ZFHX3: variants seen among roughly 807,000 people sequenced by gnomAD.
The protein encoded by ZFHX3 is zinc finger homeobox protein 3.
Under a neutral mutation model 279.1 loss-of-function variants are expected in ZFHX3, and 42 were observed. The observed-to-expected ratio is 0.15, with a 90% CI of 0.12 to 0.19. The LOEUF is 0.19. Ranked by LOEUF, ZFHX3 falls within the 10% of genes least tolerant of loss-of-function variation. The pLI is 1.00. For missense variants in ZFHX3, 4,981 were observed against 4,754.0 expected, an observed-to-expected ratio of 1.05 and a Z score of -1.40; for synonymous variants, 2,293 against 1,957.8, an observed-to-expected ratio of 1.17 and a Z score of -4.52.
In ZFHX3 at chr16:73,153,719, G is replaced by T. The variant is rs1050693665; in HGVS notation, c.-1103-9888C>A. 5.3e-5 allele frequency among the ~76,000 whole-genome samples: 8 copies of T among 151,926 alleles called. No homozygotes were observed. In the South Asian group the frequency reaches 6.3e-4, roughly 12 times the overall value. On this transcript the variant is annotated intron_variant, in intron 5 of 17. Coordinates refer to the ZFHX3 transcript ENST00000641206. ...GGCTGGAGTGCAGTGGCGTGATCTC[G>T]GTTCACTGCAACCTCCACCTCCCGG...
chr16:72,904,304 C>T (rs544811246), intron 3 of ZFHX3, among the ~76,000 whole-genome samples: 40 of 151,396 alleles, frequency 2.6e-4, no homozygotes, highest in African/African-American at 9.5e-4. Flanking sequence ...AGGTGGAGGT[C>T]GCAGTGAGCC....
At chr16:73,697,248 TC>T (rs1401894698) in intron 1 of ZFHX3, among the ~76,000 whole-genome samples, 1 of 151,090 alleles carries the variant, frequency 6.6e-6, no homozygotes, top group African/African-American at 2.4e-5. Flanking sequence ...TAGTAAACAA[TC>T]TGGAAAGTAG....
chr16:73,566,199 G>A (rs1326737422), intron 2 of ZFHX3, among the ~76,000 whole-genome samples: 4 of 152,340 alleles, frequency 2.6e-5, no homozygotes, highest in Admixed American at 6.5e-5. Context: ...TCATAGCCAT[G>A]TGTCATATAA....
intron 4 of ZFHX3, among the ~76,000 whole-genome samples, chr16:72,872,931 G>A (rs1053155643): frequency 3.3e-5 from 5 of 152,142 alleles, no homozygotes; most frequent in Non-Finnish European, 5.9e-5. Flanking sequence ...CTGCTCATTG[G>A]CTCCCGACCA....
chr16:73,192,083 GGGATCT>G (rs1434816555), intron 5 of ZFHX3, among the ~76,000 whole-genome samples: 2 of 152,098 alleles, frequency 1.3e-5, no homozygotes, highest in South Asian at 4.1e-4. Context: ...TTATTCCGAG[GGGATCT>G]GGGGACAGAG....
At position 72,787,187 on chromosome 16, in the gene ZFHX3, C is replaced by T. The variant is rs1322792698; in HGVS notation, c.11089G>A (p.Gly3697Arg). The T allele has an allele frequency of 3.1e-6, 5 of 1,607,652 alleles. No homozygotes were observed. The highest frequency in any genetic ancestry group is 4.3e-6 in the Non-Finnish European group (5 of 1,175,900). The change falls in exon 10 of 10, where the codon GGA (glycine) becomes AGA (arginine). Residue 3697 changes from glycine to arginine, a missense_variant. Gly to Arg is a moderately radical substitution (Grantham distance 125, BLOSUM62 -2). Coordinates refer to ENST00000268489, the MANE Select transcript of ZFHX3 (RefSeq NM_006885.4). Reference sequence around the variant, plus strand: ...GCTTACAATCTGAAGGTGTCCGTTCCTACACTGGTCAGACCACTGTCCTTG... The same window carrying T: ...GCTTACAATCTGAAGGTGTCCGTTCTTACACTGGTCAGACCACTGTCCTTG... ...CPKDSGLTSVGTDTFRL is the reference protein window; with the variant it reads ...CPKDSGLTSVRTDTFRL
At position 73,843,435 on chromosome 16, in the gene ZFHX3, T is replaced by C. The variant is rs1370782817; in HGVS notation, c.-1608+48216A>G. The stretch of plus-strand genomic sequence containing the variant: ...CACAAAGAAACAAAGCCTTTGCCAC[T>C]GAGGAAACGGATTGTGTCCTGTGAA... On this transcript the variant is annotated intron_variant, in intron 1 of 17. Coordinates refer to the ZFHX3 transcript ENST00000641206. 3.9e-5 allele frequency among the ~76,000 whole-genome samples: 6 copies of C among 152,330 alleles called. No individual in the cohort carries two copies. The East Asian group carries it at 7.7e-4, about 20-fold the overall frequency.
intron 4 of ZFHX3, among the ~76,000 whole-genome samples, chr16:73,273,951 T>C (rs1378222960): frequency 5.3e-5 from 8 of 152,210 alleles, no homozygotes; most frequent in Admixed American, 3.3e-4. Context: ...GAGACCAGCC[T>C]GGCCAACATG....
At chr16:73,125,882 G>A (rs148261228) in intron 7 of ZFHX3, among the ~76,000 whole-genome samples, 255 of 151,848 alleles carry the variant, frequency 1.7e-3, no homozygotes, top group African/African-American at 5.8e-3. Flanking sequence ...CCCTAATACC[G>A]TACCATTATT....
At chr16:73,002,246 T>C (rs1223882150) in intron 1 of ZFHX3, among the ~76,000 whole-genome samples, 1 of 152,192 alleles carries the variant, frequency 6.6e-6, no homozygotes, top group African/African-American at 2.4e-5. Flanking sequence ...AACAAGCTTC[T>C]ACTTCTCTGG....
intron 4 of ZFHX3, among the ~76,000 whole-genome samples, chr16:72,877,103 G>A (rs559109944): frequency 5.9e-5 from 9 of 152,306 alleles, no homozygotes; most frequent in African/African-American, 2.2e-4. Flanking sequence ...AAAGCTCAGA[G>A]AAAACAGCCC....
rs371923033 is a variant in ZFHX3 at position 73,842,246 on chromosome 16, G to C, written c.-1608+49405C>G. ...AAAAAAAGAAAGACAGAAAGAAAAA[G>C]AGAAACAATGATTGCAAGCCACCTC... On this transcript the variant is annotated intron_variant, in intron 1 of 17. Coordinates refer to the ZFHX3 transcript ENST00000641206. Among the ~76,000 whole-genome samples, 19 of 152,078 alleles carry C rather than the reference G, an allele frequency of 1.2e-4. 1 individual carries two copies. Among genetic ancestry groups the C allele is most frequent in the Admixed American group, 6.5e-4 (10 of 15,274 alleles).
intron 2 of ZFHX3, 136 bp downstream of exon 2, chr16:72,957,291 A>G: frequency 1.0e-6 from 1 of 993,272 alleles, no homozygotes; most frequent in Non-Finnish European, 1.5e-6. Flanking sequence ...ACTTGATTGT[A>G]AGACACTCCA....
chr16:73,844,226 G>C (rs1415057834), intron 1 of ZFHX3, among the ~76,000 whole-genome samples: 2 of 152,186 alleles, frequency 1.3e-5, no homozygotes, highest in Non-Finnish European at 2.9e-5. Flanking sequence ...AAAAAGAAAA[G>C]AGGTACAAAA....
intron 1 of ZFHX3, among the ~76,000 whole-genome samples, chr16:73,680,762 T>C (rs2053001811): frequency 6.6e-6 from 1 of 152,226 alleles, no homozygotes; most frequent in South Asian, 2.1e-4. Flanking sequence ...GAAAGTTTTA[T>C]ATAAAAATGG....
intron 1 of ZFHX3, among the ~76,000 whole-genome samples, chr16:72,998,789 A>G (rs1276696844): frequency 6.6e-6 from 1 of 152,206 alleles, no homozygotes; most frequent in African/African-American, 2.4e-5. Flanking sequence ...TAACAATTAT[A>G]TTTGGGTGAC....
intron 2 of ZFHX3, among the ~76,000 whole-genome samples, chr16:73,602,368 T>C (rs142954451): frequency 7.2e-5 from 11 of 152,274 alleles, no homozygotes; most frequent in African/African-American, 2.4e-4. Context: ...GCAGCTTCCA[T>C]TTTACCATGG....
chr16:73,702,160 C>T (rs1352301994), intron 1 of ZFHX3, among the ~76,000 whole-genome samples: 6 of 152,204 alleles, frequency 3.9e-5, no homozygotes, highest in Middle Eastern at 6.8e-3. Context: ...ATAACAACCG[C>T]ACCCCCCACC....
At chr16:73,393,777 G>GA (rs1312835016) in intron 3 of ZFHX3, among the ~76,000 whole-genome samples, 2 of 151,774 alleles carry the variant, frequency 1.3e-5, no homozygotes, top group Non-Finnish European at 2.9e-5. Flanking sequence ...GTTTCAAAAG[G>GA]AAAAATGCTA....
Sources: allele counts gnomAD v4.1 joint callset (sites outside exome capture counted in the v4.1 genomes callset), GRCh38; gene constraint gnomAD v4.1.1; transcripts MANE v1.5; gene names NCBI Gene and HGNC (gene_info 2026-07-23, HGNC 2026-07-21).